Variants in DYM observed in about 807,000 individuals in gnomAD.
DYM encodes dymeclin, also known as dyggve-Melchior-Clausen syndrome protein.
A neutral mutation model predicts 93.1 loss-of-function variants in DYM; 78 were observed. The observed-to-expected ratio is 0.84, with a 90% CI of 0.70 to 1.01. DYM has a LOEUF of 1.01. Ranked by LOEUF, DYM falls within the 50% of genes least tolerant of loss-of-function variation. The probability of loss-of-function intolerance (pLI) is 0.00; values close to 1 mark genes in which losing one functional copy is unlikely to be tolerated. For missense variants in DYM, 789 were observed against 845.0 expected (o/e 0.93, Z 0.82); for synonymous variants, 321 against 319.7 (o/e 1.00, Z -0.04).
At chr18:49,259,268 C>G (rs935121676) in intron 11 of DYM, among the ~76,000 whole-genome samples, 6 of 152,186 alleles carry the variant, frequency 3.9e-5, no homozygotes, top group Admixed American at 3.3e-4. Flanking sequence ...GTGTTTATAA[C>G]TACAGATGAA....
chr18:49,332,340 G>A (rs538354210), intron 7 of DYM, among the ~76,000 whole-genome samples: 3 of 152,234 alleles, frequency 2.0e-5, no homozygotes, highest in South Asian at 2.1e-4. Flanking sequence ...AAACTCAAGC[G>A]ATCCTCCCGC....
rs1165129525 is a variant in DYM at position 49,040,516 on chromosome 18, T to C, written c.*3539A>G. ...ATAATCTACTTCTCAGTTCTTCATATGCATAGCTAGCTTAGCTCTTCATCA... is the reference window on the plus strand; with the variant it reads ...ATAATCTACTTCTCAGTTCTTCATACGCATAGCTAGCTTAGCTCTTCATCA... On this transcript the variant is annotated 3_prime_UTR_variant, in exon 18 of 18. Transcript: ENST00000675505. Among the ~76,000 whole-genome samples, 1 of 152,254 alleles carries C rather than the reference T, an allele frequency of 6.6e-6. No homozygotes were observed. Among genetic ancestry groups the C allele is most frequent in the Non-Finnish European group, 1.5e-5 (1 of 68,042 alleles).
At chr18:49,072,458 C>T (rs566480189) in intron 17 of DYM, among the ~76,000 whole-genome samples, 1 of 152,242 alleles carries the variant, frequency 6.6e-6, no homozygotes, top group Admixed American at 6.5e-5. Flanking sequence ...TCCCTGGCCA[C>T]CTCCCACTCC....
chr18:49,061,418 A>G (rs1192803419), intron 17 of DYM, among the ~76,000 whole-genome samples: 2 of 152,176 alleles, frequency 1.3e-5, no homozygotes, highest in African/African-American at 4.8e-5. Flanking sequence ...GTGTTTGAGA[A>G]TAAGAGGGGG....
rs115900069 is a variant in DYM at position 49,055,171 on chromosome 18, T to C, written c.2026-10967A>G. Among the ~76,000 whole-genome samples the C allele has an allele frequency of 2.0e-3, 312 of 152,200 alleles. 1 individual carries two copies. The highest frequency in any genetic ancestry group is 7.3e-3 in the African/African-American group (305 of 41,522). ...TGGGGTGGGGGTTGCTGGAACTGCA[T>C]GTGGAGGGACCCTCTGGAGCAGACA... On this transcript the variant is annotated intron_variant, in intron 17 of 17. Coordinates refer to ENST00000675505, the MANE Select transcript of DYM (RefSeq NM_001353214.3).
chr18:49,172,497 T>G (rs746573059), intron 14 of DYM, among the ~76,000 whole-genome samples: 1 of 152,222 alleles, frequency 6.6e-6, no homozygotes, highest in Non-Finnish European at 1.5e-5. Context: ...TAATTTTCTT[T>G]GTGGTTTTAA....
rs74889759 is a variant in DYM at position 49,040,597 on chromosome 18, T to C, written c.*3458A>G. On this transcript the variant is annotated 3_prime_UTR_variant, in exon 18 of 18. Coordinates refer to ENST00000675505, the MANE Select transcript of DYM (RefSeq NM_001353214.3). ...GAGGTGATGTAGGACACTGGAATTGTTCTGAATTTGGAGTCAGAAGGCCTA... is the reference window on the plus strand; with the variant it reads ...GAGGTGATGTAGGACACTGGAATTGCTCTGAATTTGGAGTCAGAAGGCCTA... 0.018 allele frequency among the ~76,000 whole-genome samples: 2,696 copies of C among 152,292 alleles called. 79 individuals carry two copies. The highest frequency in any genetic ancestry group is 0.06 in the African/African-American group (2,508 of 41,548).
At chr18:49,221,676 T>C (rs2093363751) in intron 13 of DYM, among the ~76,000 whole-genome samples, 1 of 152,100 alleles carries the variant, frequency 6.6e-6, no homozygotes, top group Admixed American at 6.5e-5. Context: ...AAACACCGCA[T>C]GTTCTCACTC....
intron 16 of DYM, among the ~76,000 whole-genome samples, chr18:49,102,046 G>A (rs1376394593): frequency 6.6e-6 from 1 of 152,096 alleles, no homozygotes; most frequent in Admixed American, 6.5e-5. Context: ...GGACTGCTTG[G>A]GTTTAAATCC....
chr18:49,172,360 A>G (rs1421432014), intron 14 of DYM, among the ~76,000 whole-genome samples: 2 of 152,206 alleles, frequency 1.3e-5, no homozygotes, highest in African/African-American at 4.8e-5. Context: ...ATACATACCT[A>G]TGAGTAAGAT....
chr18:49,442,440 A>G (rs2148623562), intron 1 of DYM, among the ~76,000 whole-genome samples: 1 of 152,174 alleles, frequency 6.6e-6, no homozygotes, highest in South Asian at 2.1e-4. Flanking sequence ...AGTTCCTGCT[A>G]CTTGGGAGGC....
At chr18:49,192,017 G>T (rs2091016108) in intron 14 of DYM, among the ~76,000 whole-genome samples, 1 of 151,178 alleles carries the variant, frequency 6.6e-6, no homozygotes, top group Admixed American at 6.6e-5. Context: ...GCTCACTGCA[G>T]CCTCAAACAC....
At chr18:49,117,262 A>C (rs2081994114) in intron 16 of DYM, among the ~76,000 whole-genome samples, 1 of 152,246 alleles carries the variant, frequency 6.6e-6, no homozygotes, top group South Asian at 2.1e-4. Flanking sequence ...TTAGGTATAT[A>C]GTTGAAGCAG....
In DYM at chr18:49,036,771, T is replaced by G. The variant is rs2070719589; in HGVS notation, c.*7284A>C. Reference sequence around the variant, plus strand: ...GAGGGTTTCACCATGTTATCCAGGCTGGCTCTTAAATATTTTAAATGTCTG... The same window carrying G: ...GAGGGTTTCACCATGTTATCCAGGCGGGCTCTTAAATATTTTAAATGTCTG... On this transcript the variant is annotated 3_prime_UTR_variant, in exon 18 of 18. Transcript: ENST00000675505. Among the ~76,000 whole-genome samples, 1 of 152,176 alleles carries G rather than the reference T, an allele frequency of 6.6e-6. No individual in the cohort carries two copies. The highest frequency in any genetic ancestry group is 2.4e-5 in the African/African-American group (1 of 41,450).
At chr18:49,242,391 G>C (rs1254952826) in intron 13 of DYM, among the ~76,000 whole-genome samples, 1 of 152,146 alleles carries the variant, frequency 6.6e-6, no homozygotes, top group Non-Finnish European at 1.5e-5. Flanking sequence ...CAGCCTGTGT[G>C]ACAGAGTAAG....
chr18:49,198,991 A>T (rs1414252821), intron 14 of DYM, among the ~76,000 whole-genome samples: 1 of 152,184 alleles, frequency 6.6e-6, no homozygotes, highest in African/African-American at 2.4e-5. Context: ...ATGTCCAACA[A>T]TGATAGACTG....
intron 17 of DYM, among the ~76,000 whole-genome samples, chr18:49,073,239 A>G (rs536889680): frequency 6.6e-6 from 1 of 152,352 alleles, no homozygotes; most frequent in African/African-American, 2.4e-5. Context: ...GTTTAAGTAA[A>G]CTAAAAGGCA....
At chr18:49,204,081 C>T (rs1310573163) in intron 14 of DYM, among the ~76,000 whole-genome samples, 18 of 151,880 alleles carry the variant, frequency 1.2e-4, no homozygotes, top group Admixed American at 1.2e-3. Context: ...TAAATCAGGT[C>T]CACTCCTACT....
At chr18:49,063,010 T>G (rs1184141131) in intron 17 of DYM, among the ~76,000 whole-genome samples, 1 of 152,246 alleles carries the variant, frequency 6.6e-6, no homozygotes, top group Non-Finnish European at 1.5e-5. Context: ...TTTGCCATGA[T>G]CGGTTTTTAG....
Sources: allele counts gnomAD v4.1 joint callset (sites outside exome capture counted in the v4.1 genomes callset), GRCh38; gene constraint gnomAD v4.1.1; transcripts MANE v1.5; gene names NCBI Gene and HGNC (gene_info 2026-07-23, HGNC 2026-07-21).